Variants in CCDC171 observed in about 807,000 individuals in gnomAD.
CCDC171 encodes coiled-coil domain containing 171.
Under a neutral mutation model 168.2 loss-of-function variants are expected in CCDC171, and 177 were observed. That is an observed-to-expected ratio of 1.05 (90% CI 0.93 to 1.19). The LOEUF (loss-of-function observed/expected upper bound fraction) is 1.19, where lower values mean the gene tolerates loss of function less well. Among genes scored for constraint, CCDC171 ranks in the 50% most tolerant of loss-of-function variants. The pLI is 0.00. For synonymous variants in CCDC171, 687 were observed against 540.8 expected (o/e 1.27, Z -3.75); for missense variants, 1,991 against 1,539.0 (o/e 1.29, Z -4.91).
At chr9:15,613,389 TA>T (rs533458866) in intron 6 of CCDC171, among the ~76,000 whole-genome samples, 3 of 152,070 alleles carry the variant, frequency 2.0e-5, no homozygotes, top group South Asian at 2.1e-4. Context: ...ATATTTCTGG[TA>T]AAAAAAATCA....
intron 1 of CCDC171, among the ~76,000 whole-genome samples, chr9:16,055,691 C>T (rs917910935): frequency 3.3e-5 from 5 of 152,238 alleles, no homozygotes; most frequent in Non-Finnish European, 7.3e-5. Context: ...CCTTACCTTG[C>T]ATCTGCTGAA....
chr9:15,630,768 G>A (rs2045612345), intron 7 of CCDC171, among the ~76,000 whole-genome samples: 1 of 152,082 alleles, frequency 6.6e-6, no homozygotes, highest in Non-Finnish European at 1.5e-5. Flanking sequence ...CACATAGTTG[G>A]AAGTAAAGCT....
At chr9:15,940,680 A>G (rs1827611457) in intron 25 of CCDC171, among the ~76,000 whole-genome samples, 1 of 151,826 alleles carries the variant, frequency 6.6e-6, no homozygotes. Flanking sequence ...TTTATTTTTG[A>G]GGTACAGAGA....
chr9:15,615,474 A>C (rs2044011751), intron 6 of CCDC171, among the ~76,000 whole-genome samples: 1 of 152,208 alleles, frequency 6.6e-6, no homozygotes, highest in Non-Finnish European at 1.5e-5. Flanking sequence ...CTCTGCATTG[A>C]AAATGTGATT....
At chr9:15,825,369 C>T (rs1354215141) in intron 21 of CCDC171, among the ~76,000 whole-genome samples, 3 of 152,104 alleles carry the variant, frequency 2.0e-5, no homozygotes, top group Non-Finnish European at 2.9e-5. Flanking sequence ...TTTGGATTCT[C>T]ATGAGGATCC....
chr9:15,567,262 C>T (rs2039822729), intron 2 of CCDC171, among the ~76,000 whole-genome samples: 1 of 152,090 alleles, frequency 6.6e-6, no homozygotes, highest in Non-Finnish European at 1.5e-5. Context: ...CCTTGTGATC[C>T]ACCGGCCTCA....
chr9:15,727,298 G>C (rs1428401089), intron 14 of CCDC171, among the ~76,000 whole-genome samples: 1 of 152,150 alleles, frequency 6.6e-6, no homozygotes, highest in Middle Eastern at 3.2e-3. Flanking sequence ...AGGGGCTTGG[G>C]ATAGATTTCC....
At position 16,007,897 on chromosome 9, in the gene CCDC171, A is replaced by G. The variant is rs145702151; in HGVS notation, n.369-12692A>G. On this transcript the variant is annotated intron_variant and non_coding_transcript_variant, in intron 3 of 9. Coordinates refer to the CCDC171 transcript ENST00000486641. Reference sequence around the variant, plus strand: ...TCCAGCTTTGTTCTTTTGGCTTAGGATTGACTTTCTTTGCCCATTTTCAAT... The same window carrying G: ...TCCAGCTTTGTTCTTTTGGCTTAGGGTTGACTTTCTTTGCCCATTTTCAAT... Among the ~76,000 whole-genome samples, 20 of 152,162 alleles carry G rather than the reference A, an allele frequency of 1.3e-4. No homozygotes were observed. In the East Asian group the frequency reaches 2.5e-3, roughly 19 times the overall value.
At chr9:16,068,232 T>C in the CCDC171 span, among the ~76,000 whole-genome samples, 7 of 150,742 alleles carry the variant, frequency 4.6e-5, no homozygotes, top group Admixed American at 4.6e-4. Flanking sequence ...ATAAAATACC[T>C]AGGAATCCAA....
At chr9:15,614,385 T>G (rs2043932148) in intron 6 of CCDC171, among the ~76,000 whole-genome samples, 1 of 152,144 alleles carries the variant, frequency 6.6e-6, no homozygotes, top group Admixed American at 6.5e-5. Flanking sequence ...CAGGAGCTGG[T>G]GGGGTGGGGA....
At chr9:15,648,683 C>G (rs2047245440) in intron 7 of CCDC171, among the ~76,000 whole-genome samples, 1 of 152,140 alleles carries the variant, frequency 6.6e-6, no homozygotes, top group African/African-American at 2.4e-5. Context: ...TAGGAATAAA[C>G]TTACAAGGGA....
intron 11 of CCDC171, among the ~76,000 whole-genome samples, chr9:15,705,875 G>T (rs1167970103): frequency 2.0e-5 from 3 of 152,262 alleles, no homozygotes; most frequent in African/African-American, 7.2e-5. Context: ...AAATATGAAT[G>T]AATTAATATC....
At chr9:15,595,457 GT>G (rs2042276197) in intron 6 of CCDC171, among the ~76,000 whole-genome samples, 2 of 152,118 alleles carry the variant, frequency 1.3e-5, no homozygotes, top group African/African-American at 4.8e-5. Context: ...CTTCATCCAT[GT>G]CCCTACAGAG....
intron 7 of CCDC171, among the ~76,000 whole-genome samples, chr9:15,626,840 T>G (rs913143630): frequency 5.3e-5 from 8 of 152,244 alleles, no homozygotes; most frequent in African/African-American, 1.2e-4. Flanking sequence ...TAAAATGACT[T>G]AGGGAGAGTT....
intron 25 of CCDC171, among the ~76,000 whole-genome samples, chr9:15,933,580 A>G (rs1826771674): frequency 6.6e-6 from 1 of 151,962 alleles, no homozygotes; most frequent in East Asian, 1.9e-4. Flanking sequence ...GAGGTGTATC[A>G]TTAGGTTGTT....
chr9:15,641,544 T>G (rs1178605785), intron 7 of CCDC171, among the ~76,000 whole-genome samples: 1 of 152,180 alleles, frequency 6.6e-6, no homozygotes, highest in Non-Finnish European at 1.5e-5. Context: ...AACATCTGGG[T>G]ATGTTTGGTT....
At chr9:15,624,659 T>C (rs1215646383) in intron 7 of CCDC171, among the ~76,000 whole-genome samples, 2 of 152,216 alleles carry the variant, frequency 1.3e-5, no homozygotes, top group Non-Finnish European at 2.9e-5. Context: ...TTTTTATGGC[T>C]GCATAGTATT....
At chr9:15,778,919 T>G (rs2057498519) in intron 19 of CCDC171, 49 bp from the exon 20 acceptor site, 1 of 1,265,262 alleles carries the variant, frequency 7.9e-7, no homozygotes, top group East Asian at 2.7e-5. Context: ...TTGCTATTGT[T>G]AGTAAATCTG....
intron 18 of CCDC171, among the ~76,000 whole-genome samples, chr9:15,759,287 G>C (rs941674290): frequency 2.6e-5 from 4 of 152,150 alleles, no homozygotes; most frequent in African/African-American, 9.7e-5. Context: ...AACAGTTTGA[G>C]AGCAGGTTGA....
Sources: allele counts gnomAD v4.1 joint callset (sites outside exome capture counted in the v4.1 genomes callset), GRCh38; gene constraint gnomAD v4.1.1; transcripts MANE v1.5; gene names NCBI Gene and HGNC (gene_info 2026-07-23, HGNC 2026-07-21).